The following RB1CC1 variants were observed in gnomAD, a reference collection of about 807,000 sequenced individuals.
RB1CC1 encodes the protein RB1 inducible coiled-coil 1, also known as RB1-inducible coiled-coil protein 1.
RB1CC1 carries 46 observed loss-of-function variants against 177.5 expected under a neutral mutation model. The observed-to-expected ratio is 0.26, with a 90% CI of 0.20 to 0.33. The LOEUF (loss-of-function observed/expected upper bound fraction) is 0.33. Among genes scored for constraint, RB1CC1 ranks in the 10% least tolerant of loss-of-function variants. The probability of loss-of-function intolerance (pLI) is 1.00; values close to 1 mark genes in which losing one functional copy is unlikely to be tolerated. For synonymous variants in RB1CC1, 666 were observed against 613.6 expected (o/e 1.09, Z -1.26); for missense variants, 1,703 against 1,816.3 (o/e 0.94, Z 1.13).
intron 21 of RB1CC1, among the ~76,000 whole-genome samples, chr8:52,628,874 A>G (rs1848572302): frequency 6.6e-6 from 1 of 152,226 alleles, no homozygotes; most frequent in African/African-American, 2.4e-5. Flanking sequence ...TAAATCATCA[A>G]AATCAGCTGG....
intron 3 of RB1CC1, among the ~76,000 whole-genome samples, chr8:52,685,020 T>G (rs1014513605): frequency 5.2e-5 from 6 of 115,602 alleles, no homozygotes. Context: ...TTTTTTTTTT[T>G]GAGACAAGAG....
Position 52,637,148 on chromosome 8 carries a change from T to G in RB1CC1, c.4338-1079A>C, listed in dbSNP as rs545699593. ...GATTACGATAAGAATTGTGTTGAAC[T>G]GGCAGACCAATTTGGGGAGGGCTAC... On this transcript the variant is annotated intron_variant, in intron 18 of 23. Transcript: ENST00000025008. 1.5e-4 allele frequency among the ~76,000 whole-genome samples: 23 copies of G among 152,318 alleles called. No individual in the cohort carries two copies. In the South Asian group the frequency reaches 4.1e-3, roughly 27 times the overall value.
In RB1CC1 at chr8:52,661,263, C is replaced by T. The variant is rs775912618; in HGVS notation, c.1377G>A (p.Met459Ile). 1.2e-6 allele frequency: 2 copies of T among 1,612,798 alleles called. No individual in the cohort carries two copies. Among genetic ancestry groups the T allele is most frequent in the African/African-American group, 1.3e-5 (1 of 74,836 alleles). The stretch of plus-strand genomic sequence containing the variant: ...TCTCTCCATCTTGATCAGCATGAAG[C>T]ATTACAAAGCAACACCACCTAGAGA... ...HVRLKWCCFV[M>I]LHADQDGEKL... The change falls in exon 10 of 24, where the codon ATG (methionine) becomes ATA (isoleucine). Residue 459 changes from methionine to isoleucine, a missense_variant. This residue lies in a region of RB1CC1 where 1,169 missense variants were observed against 1,184.7 expected (regional missense o/e 0.99). Transcript: ENST00000025008.
intron 8 of RB1CC1, 25 bp downstream of exon 8, chr8:52,667,996 C>A: frequency 6.3e-7 from 1 of 1,584,230 alleles, no homozygotes. Context: ...AATTCCTTTT[C>A]CTGAGAAAAG....
At chr8:52,673,671 A>T (rs1471881710) in intron 7 of RB1CC1, among the ~76,000 whole-genome samples, 174 bp downstream of exon 7, 1 of 152,212 alleles carries the variant, frequency 6.6e-6, no homozygotes, top group Non-Finnish European at 1.5e-5. Flanking sequence ...TTTACAATCA[A>T]TTCATAAATA....
intron 5 of RB1CC1, among the ~76,000 whole-genome samples, chr8:52,680,698 CA>C (rs1489927176): frequency 2.0e-5 from 3 of 152,030 alleles, no homozygotes; most frequent in African/African-American, 7.3e-5. Flanking sequence ...CATATTCGTA[CA>C]ATAGAATACA....
At chr8:52,634,783 T>C (rs1339985451) in intron 20 of RB1CC1, 138 bp downstream of exon 20, 3 of 669,862 alleles carry the variant, frequency 4.5e-6, no homozygotes, top group Non-Finnish European at 7.2e-6. Flanking sequence ...TAGGATTCAA[T>C]GACCAACACG....
intron 1 of RB1CC1, among the ~76,000 whole-genome samples, chr8:52,710,156 C>G (rs1404299593): frequency 6.6e-6 from 1 of 152,170 alleles, no homozygotes; most frequent in East Asian, 1.9e-4. Flanking sequence ...CATCAGTCTC[C>G]CCAAATCAGA....
At chr8:52,635,907 C>A in intron 19 of RB1CC1, 108 bp downstream of exon 19, 2 of 1,351,980 alleles carry the variant, frequency 1.5e-6, no homozygotes, top group South Asian at 1.4e-5. Context: ...CATAAAAAGG[C>A]TTAATTTATA....
At chr8:52,659,024 A>C (rs753882665) in intron 12 of RB1CC1, 48 bp from the exon 13 acceptor site, 2 of 992,618 alleles carry the variant, frequency 2.0e-6, no homozygotes, top group Non-Finnish European at 2.9e-6. Flanking sequence ...TCAACCAAAA[A>C]CAGACAGCAA....
At chr8:52,713,884 G>T (rs1355443656) in intron 1 of RB1CC1, among the ~76,000 whole-genome samples, 191 bp downstream of exon 1, 2 of 152,206 alleles carry the variant, frequency 1.3e-5, no homozygotes, top group Non-Finnish European at 2.9e-5. Flanking sequence ...GTCGCGCCGG[G>T]AAAGCGGCCA....
chr8:52,624,355 C>T (rs1413513674), intron 23 of RB1CC1, among the ~76,000 whole-genome samples: 1 of 151,826 alleles, frequency 6.6e-6, no homozygotes, highest in African/African-American at 2.4e-5. Context: ...TCAATGGGGG[C>T]AGAGTATGAA....
intron 15 of RB1CC1, among the ~76,000 whole-genome samples, chr8:52,653,244 C>T (rs563394145): frequency 6.6e-6 from 1 of 152,192 alleles, no homozygotes; most frequent in South Asian, 2.1e-4. Flanking sequence ...TGGTGCTCTG[C>T]AGGAAACAGC....
chr8:52,648,384 T>A (rs866673854), intron 15 of RB1CC1, among the ~76,000 whole-genome samples: 5 of 152,188 alleles, frequency 3.3e-5, no homozygotes, highest in African/African-American at 1.2e-4. Flanking sequence ...AATTTTACAT[T>A]ACCCTAGGAT....
chr8:52,652,064 A>G (rs1315997337), intron 15 of RB1CC1, among the ~76,000 whole-genome samples: 1 of 152,212 alleles, frequency 6.6e-6, no homozygotes, highest in African/African-American at 2.4e-5. Flanking sequence ...CATTCAGCAT[A>G]AGGTTGGATT....
intron 5 of RB1CC1, among the ~76,000 whole-genome samples, chr8:52,681,945 C>A (rs1398861910): frequency 6.6e-6 from 1 of 152,168 alleles, no homozygotes; most frequent in African/African-American, 2.4e-5. Flanking sequence ...TCGGAGCCCC[C>A]ACACAGAGTC....
At chr8:52,674,912 G>T (rs1428100433) in intron 6 of RB1CC1, among the ~76,000 whole-genome samples, 2 of 152,028 alleles carry the variant, frequency 1.3e-5, no homozygotes, top group African/African-American at 2.4e-5. Flanking sequence ...TAACCTTATG[G>T]CCTTAAGTAA....
chr8:52,638,412 A>C (rs922508150), intron 18 of RB1CC1, among the ~76,000 whole-genome samples: 1 of 152,136 alleles, frequency 6.6e-6, no homozygotes, highest in African/African-American at 2.4e-5. Flanking sequence ...TAGTTATAGA[A>C]GATGTATTTT....
intron 7 of RB1CC1, 125 bp from the exon 8 acceptor site, chr8:52,668,316 G>C: frequency 9.2e-7 from 1 of 1,088,330 alleles, no homozygotes; most frequent in Non-Finnish European, 1.3e-6. Context: ...GCAAAAGCAT[G>C]GGAACTCTAA....
Sources: allele counts gnomAD v4.1 joint callset (sites outside exome capture counted in the v4.1 genomes callset), GRCh38; gene constraint gnomAD v4.1.1; regional missense constraint gnomAD v4.1.1; transcripts MANE v1.5; gene names NCBI Gene and HGNC (gene_info 2026-07-23, HGNC 2026-07-21).